Variants in GPR39 observed in about 807,000 individuals in gnomAD.
GPR39 encodes the protein G protein-coupled receptor 39.
In GPR39, 23 loss-of-function variants were observed where a neutral mutation model predicts 18.4. That is an observed-to-expected ratio of 1.25 (90% CI 0.90 to 1.77). GPR39 has a LOEUF of 1.77. Among genes scored for constraint, GPR39 ranks in the 40% most tolerant of loss-of-function variants. The pLI is 0.00. For synonymous variants in GPR39, 280 were observed against 257.9 expected (o/e 1.09, Z -0.82); for missense variants, 647 against 602.4 (o/e 1.07, Z -0.78).
chr2:132,548,158 G>T (rs975466065), intron 1 of GPR39, among the ~76,000 whole-genome samples: 1 of 152,154 alleles, frequency 6.6e-6, no homozygotes, highest in African/African-American at 2.4e-5. Flanking sequence ...TTTCAAGGAT[G>T]TAATAGTCTG....
At chr2:132,538,614 T>A (rs1378616745) in intron 1 of GPR39, among the ~76,000 whole-genome samples, 2 of 152,204 alleles carry the variant, frequency 1.3e-5, no homozygotes, top group Non-Finnish European at 2.9e-5. Flanking sequence ...CAGCTGCTCT[T>A]TTCAGAGCCA....
At chr2:132,442,247 C>A (rs1241124746) in intron 1 of GPR39, among the ~76,000 whole-genome samples, 2 of 152,308 alleles carry the variant, frequency 1.3e-5, no homozygotes, top group East Asian at 3.9e-4. Context: ...AAACATTTCA[C>A]TCAGAGTGGT....
intron 1 of GPR39, among the ~76,000 whole-genome samples, chr2:132,444,679 C>G (rs915261325): frequency 4.2e-4 from 64 of 152,180 alleles, no homozygotes; most frequent in African/African-American, 1.5e-3. Flanking sequence ...CATTTAAAAA[C>G]TTGATGCTAA....
intron 1 of GPR39, among the ~76,000 whole-genome samples, chr2:132,496,290 G>A (rs1256308792): frequency 6.6e-6 from 1 of 152,140 alleles, no homozygotes; most frequent in African/African-American, 2.4e-5. Context: ...GTGTATTTGG[G>A]TGAATATCAG....
intron 1 of GPR39, among the ~76,000 whole-genome samples, chr2:132,505,547 T>C (rs1240769621): frequency 6.6e-6 from 1 of 152,178 alleles, no homozygotes; most frequent in Non-Finnish European, 1.5e-5. Flanking sequence ...TTATCCCCTT[T>C]ACCCACCCCA....
intron 1 of GPR39, among the ~76,000 whole-genome samples, chr2:132,493,920 G>T (rs1681584343): frequency 6.6e-6 from 1 of 152,024 alleles, no homozygotes; most frequent in South Asian, 2.1e-4. Flanking sequence ...TCCAAGTAGG[G>T]AATGATCAAT....
chr2:132,426,410 G>A (rs1680118659), intron 1 of GPR39, among the ~76,000 whole-genome samples: 1 of 152,188 alleles, frequency 6.6e-6, no homozygotes, highest in African/African-American at 2.4e-5. Context: ...CATCCTTTTG[G>A]TAGCTCTATT....
intron 1 of GPR39, 164 bp from the exon 2 acceptor site, chr2:132,644,937 T>A: frequency 1.4e-6 from 1 of 727,134 alleles, no homozygotes; most frequent in Non-Finnish European, 2.2e-6. Flanking sequence ...CTCTTGCTTG[T>A]GGCAAAAGAA....
rs180940492 is a variant in GPR39 at position 132,537,836 on chromosome 2, C to T, written c.857-107265C>T. ...TATCCTTTCTTCTGCTTGATCGATT[C>T]GACTATTGATTCTTGTGTATGCTTC... is the stretch of plus-strand genomic sequence containing the variant. On this transcript the variant is annotated intron_variant, in intron 1 of 1. Coordinates refer to ENST00000329321, the MANE Select transcript of GPR39 (RefSeq NM_001508.3). Among the ~76,000 whole-genome samples, 684 of 151,704 alleles carry T rather than the reference C, an allele frequency of 4.5e-3. 4 individuals carry two copies. Among genetic ancestry groups the T allele is most frequent in the African/African-American group, 0.015 (617 of 41,342 alleles).
intron 1 of GPR39, among the ~76,000 whole-genome samples, chr2:132,524,804 A>G (rs1679481145): frequency 6.6e-6 from 1 of 152,250 alleles, no homozygotes; most frequent in East Asian, 1.9e-4. Flanking sequence ...ACATGTACTC[A>G]GAAGTCACAC....
intron 1 of GPR39, among the ~76,000 whole-genome samples, chr2:132,594,738 G>A (rs565617379): frequency 1.3e-5 from 2 of 151,962 alleles, no homozygotes; most frequent in Admixed American, 6.6e-5. Context: ...AGAATAGAAA[G>A]GTGGCTTCTG....
intron 1 of GPR39, among the ~76,000 whole-genome samples, chr2:132,496,888 T>G (rs1681651588): frequency 6.6e-6 from 1 of 152,216 alleles, no homozygotes; most frequent in South Asian, 2.1e-4. Flanking sequence ...CCCGGGCTTC[T>G]AGGCTGTGGA....
At chr2:132,575,186 G>A (rs977813504) in intron 1 of GPR39, among the ~76,000 whole-genome samples, 7 of 151,860 alleles carry the variant, frequency 4.6e-5, no homozygotes, top group African/African-American at 1.5e-4. Context: ...ATGGTTTATT[G>A]TAGTTTTATG....
intron 1 of GPR39, among the ~76,000 whole-genome samples, chr2:132,469,759 G>A (rs930662957): frequency 6.6e-6 from 1 of 152,296 alleles, no homozygotes; most frequent in East Asian, 1.9e-4. Context: ...GTTAATAGGA[G>A]CCTCTCCCGA....
At chr2:132,473,785 C>A (rs928277623) in intron 1 of GPR39, among the ~76,000 whole-genome samples, 1 of 152,134 alleles carries the variant, frequency 6.6e-6, no homozygotes, top group African/African-American at 2.4e-5. Context: ...CTGCCTCTTT[C>A]AGATTTTTGG....
chr2:132,646,442 G>A lies in GPR39; in HGVS notation c.*836G>A. ...TTCGGATTGTCTCATTGATATTCAA[G>A]ATAGATGGTGAAAGAGACAGGCACT... On this transcript the variant is annotated 3_prime_UTR_variant, in exon 2 of 2. Transcript: ENST00000329321. 2.4e-6 allele frequency: 1 copy of A among 419,032 alleles called. No homozygotes were observed. 26.0% of individuals were successfully genotyped at this position (419,032 alleles called of 1,614,324 possible). A position where few individuals can be genotyped will look rare whatever the true frequency, so the allele number is the denominator to read the frequency against.
chr2:132,645,847 G>T lies in GPR39; in HGVS notation c.*241G>T. On this transcript the variant is annotated 3_prime_UTR_variant, in exon 2 of 2. Coordinates refer to ENST00000329321, the MANE Select transcript of GPR39 (RefSeq NM_001508.3). ...CACCTCCTTCCTTCAAGTACATACT[G>T]AAAATTCAGTCAGGCTGAATTTATT... The T allele has an allele frequency of 1.5e-6, 1 of 667,194 alleles. No individual in the cohort carries two copies. Among genetic ancestry groups the T allele is most frequent in the Non-Finnish European group, 2.5e-6 (1 of 405,000 alleles). The allele number at this position is 667,194 out of a possible 1,614,324, so 41.3% of individuals were successfully genotyped here.
intron 1 of GPR39, among the ~76,000 whole-genome samples, chr2:132,628,561 A>G (rs1681592598): frequency 6.6e-6 from 1 of 151,752 alleles, no homozygotes; most frequent in Admixed American, 6.6e-5. Context: ...ACCTGAAACT[A>G]CTCTATTCTA....
chr2:132,619,489 G>A (rs978358486), intron 1 of GPR39, among the ~76,000 whole-genome samples: 1 of 152,116 alleles, frequency 6.6e-6, no homozygotes, highest in Admixed American at 6.5e-5. Context: ...GTCACAGAAC[G>A]GCCAAGAAAC....
Sources: allele counts gnomAD v4.1 joint callset (sites outside exome capture counted in the v4.1 genomes callset), GRCh38; gene constraint gnomAD v4.1.1; transcripts MANE v1.5; gene names NCBI Gene and HGNC (gene_info 2026-07-23, HGNC 2026-07-21).